RASAL2: variants seen among roughly 807,000 people sequenced by gnomAD.
The protein encoded by RASAL2 is ras GTPase-activating protein nGAP.
Under a neutral mutation model 128.9 loss-of-function variants are expected in RASAL2, and 58 were observed. That is an observed-to-expected ratio of 0.45 (90% CI 0.36 to 0.56). RASAL2 has a LOEUF of 0.56. Among genes scored for constraint, RASAL2 ranks in the 20% least tolerant of loss-of-function variants. RASAL2 has a pLI of 0.00. For synonymous variants in RASAL2, 561 were observed against 580.8 expected, an observed-to-expected ratio of 0.97 and a Z score of 0.49; for missense variants, 1,360 against 1,601.6, an observed-to-expected ratio of 0.85 and a Z score of 2.57.
chr1:178,162,391 T>C (rs1661345762), intron 1 of RASAL2, among the ~76,000 whole-genome samples: 1 of 115,890 alleles, frequency 8.6e-6, no homozygotes, highest in African/African-American at 3.4e-5. Context: ...ATATATTATA[T>C]ATATTATATA....
intron 1 of RASAL2, among the ~76,000 whole-genome samples, chr1:178,278,522 T>C (rs1393937616): frequency 1.3e-5 from 2 of 152,192 alleles, no homozygotes; most frequent in Non-Finnish European, 2.9e-5. Context: ...GCATTTAACA[T>C]ATCATGTCAG....
At chr1:178,420,877 A>C (rs185245743) in intron 5 of RASAL2, among the ~76,000 whole-genome samples, 1 of 152,192 alleles carries the variant, frequency 6.6e-6, no homozygotes, top group Admixed American at 6.5e-5. Flanking sequence ...TTTCTGTAGA[A>C]TCAAGTTACA....
Position 178,110,637 on chromosome 1 carries a change from CAT to C in RASAL2, c.202+15958_202+15959del, listed in dbSNP as rs1553250958. On this transcript the variant is annotated intron_variant, in intron 1 of 17. Transcript: ENST00000367649. ...CTATATACACTATATATAGTGTATA[CAT>C]ATATATATATATATGTATGTATACT... is the stretch of plus-strand genomic sequence containing the variant. 3.8e-4 allele frequency among the ~76,000 whole-genome samples: 6 copies of C among 15,650 alleles called. 1 individual carries two copies. Among genetic ancestry groups the C allele is most frequent in the Admixed American group, 1.0e-3 (1 of 994 alleles). The allele number at this position is 15,650 out of a possible 152,430, so 10.3% of individuals were successfully genotyped here. A position where few individuals can be genotyped will look rare whatever the true frequency, so the allele number is the denominator to read the frequency against.
At chr1:178,253,172 G>C (rs1665134513) in intron 1 of RASAL2, among the ~76,000 whole-genome samples, 1 of 152,028 alleles carries the variant, frequency 6.6e-6, no homozygotes, top group African/African-American at 2.4e-5. Context: ...TTGGCATTCA[G>C]CTTCATCACC....
chr1:178,443,713 A>G (rs576871720), intron 8 of RASAL2, among the ~76,000 whole-genome samples: 1 of 152,316 alleles, frequency 6.6e-6, no homozygotes, highest in East Asian at 1.9e-4. Context: ...TAAAAATCCA[A>G]GGGATATGAT....
In RASAL2 at chr1:178,094,179, C is replaced by A. The variant is rs1031096294; in HGVS notation, c.-314C>A. ...CCGAGGAGGTGGGAGGGCGAGCCTC[C>A]CCTCCCGGGTTCTTCTGCGTCCTCT... is the stretch of plus-strand genomic sequence containing the variant. On this transcript the variant is annotated 5_prime_UTR_variant, in exon 1 of 18. Coordinates refer to ENST00000367649, the MANE Select transcript of RASAL2 (RefSeq NM_170692.4). The A allele has an allele frequency of 3.7e-5, 14 of 383,172 alleles. No homozygotes were observed. Among genetic ancestry groups the A allele is most frequent in the Non-Finnish European group, 6.1e-5 (13 of 214,444 alleles). 23.7% of individuals were successfully genotyped at this position (383,172 alleles called of 1,614,324 possible).
intron 3 of RASAL2, among the ~76,000 whole-genome samples, chr1:178,334,347 T>G (rs1412511600): frequency 6.6e-6 from 1 of 151,962 alleles, no homozygotes; most frequent in East Asian, 1.9e-4. Flanking sequence ...TTTTTTCTTT[T>G]TTTTTTTTGA....
chr1:178,264,330 C>T (rs1439469403), intron 1 of RASAL2, among the ~76,000 whole-genome samples: 1 of 152,146 alleles, frequency 6.6e-6, no homozygotes, highest in African/African-American at 2.4e-5. Context: ...CTCATGTATT[C>T]ACGTACGCAT....
intron 9 of RASAL2, among the ~76,000 whole-genome samples, chr1:178,447,956 A>G (rs916912449): frequency 1.3e-5 from 2 of 152,134 alleles, no homozygotes; most frequent in African/African-American, 4.8e-5. Context: ...AATTACATAT[A>G]TATTCAATTT....
At chr1:178,377,173 G>A (rs1455841768) in intron 3 of RASAL2, among the ~76,000 whole-genome samples, 2 of 151,984 alleles carry the variant, frequency 1.3e-5, no homozygotes, top group Non-Finnish European at 2.9e-5. Context: ...GTTTCTAAAT[G>A]ACTCTGTTGA....
At chr1:178,319,638 G>T (rs1668654865) in intron 3 of RASAL2, among the ~76,000 whole-genome samples, 1 of 148,926 alleles carries the variant, frequency 6.7e-6, no homozygotes, top group African/African-American at 2.6e-5. Flanking sequence ...TTGGTTTTCA[G>T]CTCCATCAGC....
intron 1 of RASAL2, among the ~76,000 whole-genome samples, chr1:178,122,423 G>A (rs547745421): frequency 5.1e-4 from 77 of 152,302 alleles, no homozygotes; most frequent in African/African-American, 1.8e-3. Context: ...CAGAAATGGA[G>A]AAGTTGAAAT....
At chr1:178,434,719 T>G (rs1318793253) in intron 5 of RASAL2, among the ~76,000 whole-genome samples, 3 of 151,786 alleles carry the variant, frequency 2.0e-5, no homozygotes, top group African/African-American at 7.3e-5. Context: ...TCTTTGCACA[T>G]AAGTAGAGCT....
intron 9 of RASAL2, 78 bp from the exon 10 acceptor site, chr1:178,451,493 A>G (rs1677372460): frequency 7.0e-7 from 1 of 1,423,990 alleles, no homozygotes; most frequent in Non-Finnish European, 9.4e-7. Flanking sequence ...ACGTTTTAGG[A>G]CAGAAATCAT....
In RASAL2 at chr1:178,473,241, G is replaced by A. The variant is rs376748995; in HGVS notation, c.*2G>A. On this transcript the variant is annotated 3_prime_UTR_variant, in exon 18 of 18. Transcript: ENST00000367649. ...GAATTCAAAAACAGCAGCTGCTGACGGGCTTTGTCTGTGGAAGGAGACAGA... is the reference window on the plus strand; with the variant it reads ...GAATTCAAAAACAGCAGCTGCTGACAGGCTTTGTCTGTGGAAGGAGACAGA... The A allele has an allele frequency of 5.8e-5, 94 of 1,614,118 alleles. 1 individual carries two copies. The South Asian group carries it at 8.0e-4, about 14-fold the overall frequency.
At chr1:178,292,035 CAAAAAAA>C (rs34317624) in intron 2 of RASAL2, among the ~76,000 whole-genome samples, 1 of 59,108 alleles carries the variant, frequency 1.7e-5, no homozygotes, top group Non-Finnish European at 3.7e-5. Flanking sequence ...GACTTTGTCT[CAAAAAAA>C]AAAAAAAAAA....
At position 178,445,540 on chromosome 1, in the gene RASAL2, T is replaced by C. The variant is rs1676938600; in HGVS notation, c.1505T>C (p.Met502Thr). 2 of 1,613,722 alleles carry C rather than the reference T, an allele frequency of 1.2e-6. No individual in the cohort carries two copies. Among genetic ancestry groups the C allele is most frequent in the Non-Finnish European group, 1.7e-6 (2 of 1,179,732 alleles). ...CAGGATTTTCTGACTGACTTGGTGATGTCTGAGGTGGATCGTTGTGGAGAG... is the reference window on the plus strand; with the variant it reads ...CAGGATTTTCTGACTGACTTGGTGACGTCTGAGGTGGATCGTTGTGGAGAG... ...RAKDFLTDLV[M>T]SEVDRCGEHD... The change falls in exon 9 of 18, where the codon ATG (methionine) becomes ACG (threonine). Residue 502 changes from methionine to threonine, a missense_variant. Met to Thr is a moderately conservative substitution (Grantham distance 81, BLOSUM62 -1). Transcript: ENST00000367649.
intron 5 of RASAL2, among the ~76,000 whole-genome samples, chr1:178,427,764 C>T (rs867426960): frequency 2.3e-4 from 35 of 152,030 alleles, no homozygotes; most frequent in African/African-American, 7.0e-4. Flanking sequence ...ATTCAGTTTT[C>T]GCCAATTTTA....
At chr1:178,206,889 T>A (rs963940891) in intron 1 of RASAL2, among the ~76,000 whole-genome samples, 7 of 152,138 alleles carry the variant, frequency 4.6e-5, no homozygotes, top group African/African-American at 1.7e-4. Context: ...AAAGTAATGA[T>A]CTCAGCCAGA....
Sources: allele counts gnomAD v4.1 joint callset (sites outside exome capture counted in the v4.1 genomes callset), GRCh38; gene constraint gnomAD v4.1.1; transcripts MANE v1.5; gene names NCBI Gene and HGNC (gene_info 2026-07-23, HGNC 2026-07-21).